Variants in RBFOX1 observed in about 807,000 individuals in gnomAD.
RBFOX1 encodes RNA binding fox-1 homolog 1, also known as RNA binding protein fox-1 homolog 1.
RBFOX1 carries 8 observed loss-of-function variants against 57.7 expected under a neutral mutation model. That is an observed-to-expected ratio of 0.14 (90% CI 0.08 to 0.25). The LOEUF (loss-of-function observed/expected upper bound fraction) is 0.25. Among genes scored for constraint, RBFOX1 ranks in the 10% least tolerant of loss-of-function variants. The pLI is 1.00. For missense variants in RBFOX1, 611 were observed against 548.5 expected, an observed-to-expected ratio of 1.11 and a Z score of -1.14; for synonymous variants, 326 against 222.4, an observed-to-expected ratio of 1.47 and a Z score of -4.15.
intron 4 of RBFOX1, among the ~76,000 whole-genome samples, chr16:7,249,917 A>T (rs1286892656): frequency 6.6e-6 from 1 of 152,216 alleles, no homozygotes; most frequent in African/African-American, 2.4e-5. Context: ...ACCAATTTAC[A>T]CTCTCAACAG....
chr16:7,269,488 G>C (rs2095264530), intron 4 of RBFOX1, among the ~76,000 whole-genome samples: 1 of 151,846 alleles, frequency 6.6e-6, no homozygotes, highest in South Asian at 2.1e-4. Context: ...GGCAGACAGA[G>C]GAAAAAAGCT....
chr16:6,380,789 G>T, intron 2 of RBFOX1, among the ~76,000 whole-genome samples: 1 of 152,110 alleles, frequency 6.6e-6, no homozygotes, highest in East Asian at 1.9e-4. Flanking sequence ...TTGCCAAATT[G>T]TCTGTTGCAC....
intron 3 of RBFOX1, among the ~76,000 whole-genome samples, chr16:5,830,997 C>G (rs1323245647): frequency 1.3e-5 from 2 of 152,130 alleles, no homozygotes; most frequent in East Asian, 1.9e-4. Context: ...TTGCGTAGCC[C>G]TTGTTGTCAT....
chr16:5,571,610 C>T (rs2046287410), intron 2 of RBFOX1, among the ~76,000 whole-genome samples: 1 of 152,170 alleles, frequency 6.6e-6, no homozygotes, highest in African/African-American at 2.4e-5. Flanking sequence ...AGTGCAGTCA[C>T]TTCCTGGCGC....
intron 3 of RBFOX1, among the ~76,000 whole-genome samples, chr16:5,739,636 T>TA (rs1287780126): frequency 1.3e-5 from 2 of 152,196 alleles, no homozygotes; most frequent in Non-Finnish European, 2.9e-5. Flanking sequence ...GACGGATGTT[T>TA]AAAAAAACTT....
chr16:5,563,085 G>C (rs944385882), intron 2 of RBFOX1, among the ~76,000 whole-genome samples: 1 of 152,126 alleles, frequency 6.6e-6, no homozygotes, highest in Non-Finnish European at 1.5e-5. Flanking sequence ...GAGTAGCTGG[G>C]CTTACAGGCA....
At chr16:5,727,462 C>T (rs1052715712) in intron 3 of RBFOX1, among the ~76,000 whole-genome samples, 1 of 152,164 alleles carries the variant, frequency 6.6e-6, no homozygotes, top group South Asian at 2.1e-4. Flanking sequence ...GTAACATACC[C>T]ATTACCTGAC....
chr16:5,698,693 A>G (rs2050926567), intron 3 of RBFOX1, among the ~76,000 whole-genome samples: 1 of 152,226 alleles, frequency 6.6e-6, no homozygotes, highest in Non-Finnish European at 1.5e-5. Flanking sequence ...GTTGGAAGCA[A>G]CCCAAATGTC....
At chr16:6,171,877 A>T (rs1289652185) in intron 1 of RBFOX1, among the ~76,000 whole-genome samples, 1 of 151,688 alleles carries the variant, frequency 6.6e-6, no homozygotes, top group East Asian at 1.9e-4. Flanking sequence ...GTTGGAGTGC[A>T]GTGGCATGAT....
chr16:5,886,054 C>T (rs1009236654), intron 4 of RBFOX1, among the ~76,000 whole-genome samples: 5 of 152,122 alleles, frequency 3.3e-5, no homozygotes, highest in African/African-American at 7.2e-5. Context: ...CTCTTTCTCC[C>T]GCTCTGCCGT....
chr16:6,712,893 T>G (rs2063983648), intron 3 of RBFOX1, among the ~76,000 whole-genome samples: 2 of 124,782 alleles, frequency 1.6e-5, no homozygotes, highest in South Asian at 6.1e-4. Flanking sequence ...GTTTTTTTTT[T>G]TTTTTTTTTT....
intron 1 of RBFOX1, among the ~76,000 whole-genome samples, chr16:6,176,410 C>T (rs544181387): frequency 2.6e-3 from 395 of 150,790 alleles, no homozygotes; most frequent in African/African-American, 9.3e-3. Flanking sequence ...CCGCCCGCCT[C>T]AGCCTCCCAA....
intron 7 of RBFOX1, among the ~76,000 whole-genome samples, chr16:7,593,419 G>T (rs2094541064): frequency 6.6e-6 from 1 of 152,080 alleles, no homozygotes; most frequent in Admixed American, 6.5e-5. Flanking sequence ...CAGTTGGCGA[G>T]TGTATTTGCA....
chr16:7,222,072 ACT>A (rs1419365440), intron 4 of RBFOX1, among the ~76,000 whole-genome samples: 1 of 152,144 alleles, frequency 6.6e-6, no homozygotes, highest in Non-Finnish European at 1.5e-5. Context: ...AGTTTTGAAT[ACT>A]CTGTGTCACT....
intron 3 of RBFOX1, among the ~76,000 whole-genome samples, chr16:6,990,012 CTG>C (rs889780193): frequency 6.6e-6 from 1 of 152,048 alleles, no homozygotes; most frequent in Admixed American, 6.6e-5. Flanking sequence ...ACACAAAAAA[CTG>C]AGAAAATGTC....
At chr16:6,538,495 A>T (rs929796921) in intron 2 of RBFOX1, among the ~76,000 whole-genome samples, 2 of 152,164 alleles carry the variant, frequency 1.3e-5, no homozygotes, top group African/African-American at 4.8e-5. Context: ...GTATCTCAAA[A>T]CAAAAAAGCA....
At chr16:5,429,685 G>A (rs2067670856) in intron 1 of RBFOX1, among the ~76,000 whole-genome samples, 1 of 152,130 alleles carries the variant, frequency 6.6e-6, no homozygotes, top group Admixed American at 6.5e-5. Flanking sequence ...ACCTCTGAGG[G>A]GCCATTATCC....
rs541828739 is a variant in RBFOX1, at chr16:6,864,188, A to G, written c.-15-187869A>G. 5.9e-5 allele frequency among the ~76,000 whole-genome samples: 9 copies of G among 152,242 alleles called. No individual in the cohort carries two copies. In the South Asian group the frequency reaches 8.3e-4, roughly 14 times the overall value. Reference sequence around the variant, plus strand: ...ATTTTAATAATTCTTGTCCCATTACATAAATAATTCACTTTTTTCTTCTAT... The same window carrying G: ...ATTTTAATAATTCTTGTCCCATTACGTAAATAATTCACTTTTTTCTTCTAT... On this transcript the variant is annotated intron_variant, in intron 3 of 15. Transcript: ENST00000550418.
intron 4 of RBFOX1, among the ~76,000 whole-genome samples, chr16:5,967,828 A>T (rs1165356456): frequency 2.0e-5 from 3 of 152,128 alleles, no homozygotes; most frequent in East Asian, 3.9e-4. Context: ...ACTACCATCA[A>T]TTCGGATATC....
Sources: gnomAD v4.1 joint callset for allele counts (sites outside exome capture counted in the v4.1 genomes callset) on GRCh38, gnomAD v4.1.1 for gene constraint, MANE v1.5 for transcripts, NCBI Gene and HGNC (gene_info 2026-07-23, HGNC 2026-07-21) for gene names.